OTUD7B: variants seen among roughly 807,000 people sequenced by gnomAD.
OTUD7B encodes the protein OTU domain-containing protein 7B.
OTUD7B carries 34 observed loss-of-function variants against 82.2 expected under a neutral mutation model. The ratio of observed to expected loss-of-function variants is 0.41; its 90% CI spans 0.31 to 0.55. OTUD7B has a LOEUF of 0.55. Ranked by LOEUF, OTUD7B falls within the 20% of genes least tolerant of loss-of-function variation. The pLI is 0.20. For synonymous variants in OTUD7B, 398 were observed against 402.7 expected (o/e 0.99, Z 0.14); for missense variants, 944 against 1,062.1 (o/e 0.89, Z 1.55).
At chr1:149,948,875 C>G in intron 10 of OTUD7B, 94 bp downstream of exon 10, 1 of 807,828 alleles carries the variant, frequency 1.2e-6, no homozygotes, top group Non-Finnish European at 2.1e-6. Context: ...TTGTGACTGT[C>G]TTGCCTGAGC....
At chr1:150,027,136 T>C in the OTUD7B span, among the ~76,000 whole-genome samples, 1 of 152,172 alleles carries the variant, frequency 6.6e-6, no homozygotes, top group Non-Finnish European at 1.5e-5. Flanking sequence ...TTGGGCTGTA[T>C]TATATCAGGT....
At chr1:150,043,859 C>T in the OTUD7B span, among the ~76,000 whole-genome samples, 7 of 152,040 alleles carry the variant, frequency 4.6e-5, no homozygotes, top group African/African-American at 1.2e-4. Flanking sequence ...GCCTGTAATC[C>T]CAGCACTTTG....
chr1:149,964,450 T>C, intron 5 of OTUD7B, 101 bp from the exon 6 acceptor site: 1 of 1,248,798 alleles, frequency 8.0e-7, no homozygotes, highest in Non-Finnish European at 1.1e-6. Flanking sequence ...CAGGCTGGTC[T>C]CAAACCCCTG....
At chr1:150,017,698 A>G in the OTUD7B span, among the ~76,000 whole-genome samples, 1 of 152,198 alleles carries the variant, frequency 6.6e-6, no homozygotes, top group South Asian at 2.1e-4. Flanking sequence ...AGGCTACTGG[A>G]AACTGACAGA....
At chr1:150,044,411 T>C in the OTUD7B span, among the ~76,000 whole-genome samples, 4 of 152,004 alleles carry the variant, frequency 2.6e-5, no homozygotes, top group South Asian at 2.1e-4. Context: ...TTTCACCATG[T>C]TGGCCAGGCT....
chr1:149,954,776 T>G (rs1553774216), intron 7 of OTUD7B, among the ~76,000 whole-genome samples: 1 of 152,124 alleles, frequency 6.6e-6, no homozygotes, highest in African/African-American at 2.4e-5. Flanking sequence ...CTTGGGAGGG[T>G]GTATGTGTCC....
intron 1 of OTUD7B, among the ~76,000 whole-genome samples, chr1:149,982,841 C>CTTTT (rs34122678): frequency 0.02 from 1,672 of 84,148 alleles, 193 homozygotes; most frequent in Middle Eastern, 0.037. Context: ...TCCTCTCTTA[C>CTTTT]TTTTTTTTTT....
intron 5 of OTUD7B, among the ~76,000 whole-genome samples, chr1:149,964,588 T>C (rs1486970634): frequency 6.6e-6 from 1 of 151,880 alleles, no homozygotes; most frequent in Non-Finnish European, 1.5e-5. Flanking sequence ...TGGTTTTTTA[T>C]GGGTTTTTTT....
chr1:150,023,633 C>T, the OTUD7B span, among the ~76,000 whole-genome samples: 5 of 152,082 alleles, frequency 3.3e-5, no homozygotes, highest in African/African-American at 4.8e-5. Context: ...GGCTGTGGTG[C>T]AGGGATAGAG....
intron 6 of OTUD7B, chr1:149,962,090 T>C (rs1553775739): frequency 6.6e-6 from 1 of 152,220 alleles, no homozygotes; most frequent in Non-Finnish European, 1.5e-5. Context: ...TCACAAATTT[T>C]ACTTCAATTA....
intron 1 of OTUD7B, among the ~76,000 whole-genome samples, chr1:149,978,409 A>C (rs1369686605): frequency 6.6e-6 from 1 of 152,156 alleles, no homozygotes; most frequent in Non-Finnish European, 1.5e-5. Context: ...CGGGAGGCTG[A>C]GGCAGGAGAA....
chr1:149,942,357 G>C lies in OTUD7B; in HGVS notation c.*1500C>G, dbSNP rs1466758312. 1 of 152,570 alleles carries C rather than the reference G, an allele frequency of 6.6e-6. No homozygotes were observed. Among genetic ancestry groups the C allele is most frequent in the Non-Finnish European group, 1.5e-5 (1 of 68,034 alleles). 9.5% of individuals were successfully genotyped at this position (152,570 alleles called of 1,614,324 possible). A position where few individuals can be genotyped will look rare whatever the true frequency, so the allele number is the denominator to read the frequency against. On this transcript the variant is annotated 3_prime_UTR_variant, in exon 12 of 12. Coordinates refer to ENST00000581312, the MANE Select transcript of OTUD7B (RefSeq NM_020205.4). The stretch of plus-strand genomic sequence containing the variant: ...AAAAAGGAAAATTGGCCCAGGATAG[G>C]TCTTCCGGTTTAAAGCTCTTAGAAA...
At position 149,943,941 on chromosome 1, in the gene OTUD7B, G is replaced by T; in HGVS notation, c.2448C>A (p.Asn816Lys). ...CCCTGTAACAACAGGAACAGAAGTTGTTTGTCTCAGGGTGTCCATAGAAGC... is the reference window on the plus strand; with the variant it reads ...CCCTGTAACAACAGGAACAGAAGTTTTTTGTCTCAGGGTGTCCATAGAAGC... ...NCSFYGHPETNNFCSCCYREE... is the reference protein window; with the variant it reads ...NCSFYGHPETKNFCSCCYREE... The change falls in exon 12 of 12, where the codon AAC becomes AAA. Residue 816 changes from asparagine (N) to lysine (K), a missense_variant. Physicochemically the swap from Asn to Lys is moderately conservative, Grantham distance 94. This residue lies in a region of OTUD7B where 412 missense variants were observed against 418.7 expected (regional missense o/e 0.98). Coordinates refer to ENST00000581312, the MANE Select transcript of OTUD7B (RefSeq NM_020205.4). The T allele has an allele frequency of 6.2e-7, 1 of 1,614,242 alleles. No individual in the cohort carries two copies. Among genetic ancestry groups the T allele is most frequent in the Non-Finnish European group, 8.5e-7 (1 of 1,180,042 alleles).
At chr1:150,060,822 C>T in the OTUD7B span, among the ~76,000 whole-genome samples, 3 of 152,198 alleles carry the variant, frequency 2.0e-5, no homozygotes, top group East Asian at 1.9e-4. Context: ...AGCACCTATG[C>T]TCTGGTTCCC....
chr1:149,987,575 T>C (rs1241643752), intron 1 of OTUD7B, among the ~76,000 whole-genome samples: 2 of 152,234 alleles, frequency 1.3e-5, no homozygotes, highest in African/African-American at 4.8e-5. Flanking sequence ...TCAACAATTG[T>C]CAGTTGCCTT....
At chr1:150,056,026 G>A in the OTUD7B span, among the ~76,000 whole-genome samples, 5 of 151,954 alleles carry the variant, frequency 3.3e-5, no homozygotes, top group African/African-American at 9.7e-5. Flanking sequence ...ATGTACCCCC[G>A]AACCTAAAAT....
intron 6 of OTUD7B, chr1:149,963,813 C>A: frequency 6.1e-6 from 1 of 163,778 alleles, no homozygotes; most frequent in Non-Finnish European, 1.3e-5. Context: ...GTATATATGT[C>A]CTAAAAGATT....
chr1:150,055,228 C>T, the OTUD7B span, among the ~76,000 whole-genome samples: 3 of 151,842 alleles, frequency 2.0e-5, no homozygotes, highest in Admixed American at 2.0e-4. Flanking sequence ...TTAGTAGAGA[C>T]GGGGTTTCAC....
chr1:149,945,180 T>A, intron 11 of OTUD7B, 115 bp from the exon 12 acceptor site: 1 of 1,372,702 alleles, frequency 7.3e-7, no homozygotes, highest in Non-Finnish European at 9.7e-7. Context: ...GCCATGGCTA[T>A]AGAAATTAGC....
Sources: gnomAD v4.1 joint callset for allele counts (sites outside exome capture counted in the v4.1 genomes callset) on GRCh38, gnomAD v4.1.1 for gene constraint, gnomAD v4.1.1 regional missense constraint, MANE v1.5 for transcripts, NCBI Gene and HGNC (gene_info 2026-07-23, HGNC 2026-07-21) for gene names.